Variants in POLR2F observed in about 807,000 individuals in gnomAD.
The protein encoded by POLR2F is DNA-directed RNA polymerases I, II, and III subunit RPABC2.
In POLR2F, 12 loss-of-function variants were observed where a neutral mutation model predicts 22.7. That is an observed-to-expected ratio of 0.53 (90% CI 0.34 to 0.86). The LOEUF is 0.86. Among genes scored for constraint, POLR2F ranks in the 40% least tolerant of loss-of-function variants. POLR2F has a pLI of 0.02. For synonymous variants in POLR2F, 57 were observed against 66.0 expected, an observed-to-expected ratio of 0.86 and a Z score of 0.66; for missense variants, 126 against 171.5, an observed-to-expected ratio of 0.73 and a Z score of 1.48.
intron 1 of POLR2F, among the ~76,000 whole-genome samples, chr22:37,990,478 C>A (rs915379665): frequency 6.6e-6 from 1 of 152,278 alleles, no homozygotes; most frequent in Non-Finnish European, 1.5e-5. Flanking sequence ...CTGGAATGCC[C>A]TTCCTGGCGT....
chr22:37,979,211 C>T (rs1451878099), intron 4 of POLR2F, among the ~76,000 whole-genome samples: 1 of 152,126 alleles, frequency 6.6e-6, no homozygotes, highest in African/African-American at 2.4e-5. Context: ...GATTCTCCTG[C>T]CTCAGCCTCC....
At chr22:37,990,205 G>A (rs915414491) in intron 1 of POLR2F, among the ~76,000 whole-genome samples, 1 of 152,192 alleles carries the variant, frequency 6.6e-6, no homozygotes, top group East Asian at 1.9e-4. Flanking sequence ...CTGAGCTCTG[G>A]GGGAGGAGGA....
chr22:38,002,433 A>G (rs751435581), intron 1 of POLR2F, among the ~76,000 whole-genome samples: 14 of 152,158 alleles, frequency 9.2e-5, no homozygotes, highest in Middle Eastern at 3.4e-3. Context: ...AGAGTCTTAT[A>G]AAGTGTCCAG....
chr22:38,008,600 G>A (rs1055837815), intron 1 of POLR2F, among the ~76,000 whole-genome samples: 6 of 150,380 alleles, frequency 4.0e-5, no homozygotes, highest in African/African-American at 7.3e-5. Flanking sequence ...AGCCAGGCGC[G>A]GTGGCTCAGG....
rs1478144534 is a variant in POLR2F, at chr22:37,978,546, G to A, written c.293+11376G>A. Among the ~76,000 whole-genome samples, 1 of 152,224 alleles carries A rather than the reference G, an allele frequency of 6.6e-6. No homozygotes were observed. Among genetic ancestry groups the A allele is most frequent in the Non-Finnish European group, 1.5e-5 (1 of 68,042 alleles). ...TGGGGGTGAGCTCCCTGGGACTGAG[G>A]GTGGGCAATAGAAGCAGCATGGCTG... On this transcript the variant is annotated intron_variant, in intron 4 of 4. Transcript: ENST00000405557. This position sits in a 1 kb window ranked among gnomAD's most constrained non-coding sequence, Gnocchi z 5.0.
chr22:37,973,623 A>T, downstream of POLR2F: 2 of 1,613,660 alleles, frequency 1.2e-6, no homozygotes, highest in Non-Finnish European at 1.7e-6. Flanking sequence ...ATATAGGAGA[A>T]GGCCGAGTAG....
intron 1 of POLR2F, among the ~76,000 whole-genome samples, chr22:38,022,767 C>T (rs2084971936): frequency 1.3e-5 from 2 of 152,072 alleles, no homozygotes; most frequent in Admixed American, 1.3e-4. Flanking sequence ...AATCCCAGCA[C>T]TTTGGGAGGC....
chr22:37,989,731 C>G (rs879611527), intron 1 of POLR2F, among the ~76,000 whole-genome samples: 1 of 152,212 alleles, frequency 6.6e-6, no homozygotes, highest in Non-Finnish European at 1.5e-5. Context: ...AGGGTGTGGA[C>G]TGGGACCTGT....
chr22:37,968,240 G>T lies in POLR2F; in HGVS notation c.*525G>T, dbSNP rs1402311582. On this transcript the variant is annotated 3_prime_UTR_variant, in exon 5 of 5. Coordinates refer to ENST00000442738, the MANE Select transcript of POLR2F (RefSeq NM_021974.5). ...CAGTGCCCCAGCAGGAAGCGTGGGG[G>T]TGTGCTGATCTCCCACCCTCCCCAG... 5.1e-6 allele frequency: 5 copies of T among 985,390 alleles called. No individual in the cohort carries two copies. The allele number at this position is 985,390 out of a possible 1,614,324, so 61.0% of individuals were successfully genotyped here.
In POLR2F at chr22:37,968,929, T is replaced by A. The variant is rs1272023826; in HGVS notation, c.*1214T>A. 3.0e-6 allele frequency: 3 copies of A among 985,292 alleles called. No homozygotes were observed. Among genetic ancestry groups the A allele is most frequent in the Non-Finnish European group, 3.6e-6 (3 of 829,920 alleles). The allele number at this position is 985,292 out of a possible 1,614,324, so 61.0% of individuals were successfully genotyped here. A position where few individuals can be genotyped will look rare whatever the true frequency, so the allele number is the denominator to read the frequency against. Reference sequence around the variant, plus strand: ...GGGAGCAGTGGACTTCACACTCCCATCCACCCTCCTCCAAGCCTGTGGAAT... The same window carrying A: ...GGGAGCAGTGGACTTCACACTCCCAACCACCCTCCTCCAAGCCTGTGGAAT... On this transcript the variant is annotated 3_prime_UTR_variant, in exon 5 of 5. Transcript: ENST00000442738.
exon 2 of POLR2F, chr22:38,026,028 T>C (rs1234125611): frequency 1.8e-6 from 1 of 545,860 alleles, no homozygotes; most frequent in Non-Finnish European, 3.7e-6. Flanking sequence ...TGGGTTTCAG[T>C]TTGCTGAATA....
chr22:38,025,678 A>G lies in POLR2F; in HGVS notation c.121-191A>G, dbSNP rs747768797. On this transcript the variant is annotated intron_variant, in intron 1 of 2. Coordinates refer to the POLR2F transcript ENST00000333418. ...TCTCCTCCCGCTGACTTCTCCCGAC[A>G]GTCCTGCTGGGTGGATATCATCACC... 7.1e-6 allele frequency: 11 copies of G among 1,549,450 alleles called. No homozygotes were observed. The African/African-American group carries it at 1.2e-4, about 17-fold the overall frequency.
chr22:38,026,952 G>A (rs1394766145), downstream of POLR2F, among the ~76,000 whole-genome samples: 1 of 152,186 alleles, frequency 6.6e-6, no homozygotes, highest in Admixed American at 6.5e-5. Flanking sequence ...CAGGCAAGAG[G>A]GAAAGTGTGT....
At chr22:38,022,378 CCT>C (rs2084967245) in intron 1 of POLR2F, among the ~76,000 whole-genome samples, 1 of 151,384 alleles carries the variant, frequency 6.6e-6, no homozygotes, top group Admixed American at 6.6e-5. Flanking sequence ...ATGGTGAAAC[CCT>C]GTCTCTACTA....
intron 3 of POLR2F, among the ~76,000 whole-genome samples, chr22:37,965,516 C>T (rs1406170112): frequency 3.3e-5 from 5 of 152,186 alleles, no homozygotes; most frequent in African/African-American, 7.2e-5. Context: ...TGAGTGAATG[C>T]CCTTGAATTA....
intron 1 of POLR2F, among the ~76,000 whole-genome samples, chr22:37,993,495 A>G (rs945281738): frequency 2.4e-4 from 37 of 152,144 alleles, no homozygotes; most frequent in African/African-American, 7.5e-4. Context: ...TCGCCGACAT[A>G]AGGTTTTCTT....
At chr22:38,012,660 C>T (rs1387087199) in intron 1 of POLR2F, among the ~76,000 whole-genome samples, 1 of 152,198 alleles carries the variant, frequency 6.6e-6, no homozygotes. Context: ...CACCATATCT[C>T]CCAGGTCTCC....
At chr22:38,020,234 C>T (rs1451324628) in intron 1 of POLR2F, among the ~76,000 whole-genome samples, 9 of 149,868 alleles carry the variant, frequency 6.0e-5, no homozygotes, top group Non-Finnish European at 1.0e-4. Context: ...CACACACACA[C>T]ATACATATAT....
chr22:37,994,814 T>A (rs907488302), intron 1 of POLR2F, among the ~76,000 whole-genome samples: 5 of 152,196 alleles, frequency 3.3e-5, no homozygotes, highest in Admixed American at 3.3e-4. Flanking sequence ...CCAATTTTTG[T>A]ATTTTTTTGT....
Sources: gnomAD v4.1 joint callset for allele counts (sites outside exome capture counted in the v4.1 genomes callset) on GRCh38, gnomAD v4.1.1 for gene constraint, Gnocchi (gnomAD v3.1) non-coding constraint, MANE v1.5 for transcripts, NCBI Gene and HGNC (gene_info 2026-07-23, HGNC 2026-07-21) for gene names.